STK32B: variants seen among roughly 807,000 people sequenced by gnomAD.
STK32B encodes the protein serine/threonine-protein kinase 32B.
In STK32B, 43 loss-of-function variants were observed where a neutral mutation model predicts 52.6. The observed-to-expected ratio is 0.82, with a 90% CI of 0.64 to 1.05. The LOEUF (loss-of-function observed/expected upper bound fraction) is 1.05. Among genes scored for constraint, STK32B ranks in the 50% least tolerant of loss-of-function variants. The pLI is 0.00. For missense variants in STK32B, 621 were observed against 534.6 expected, an observed-to-expected ratio of 1.16 and a Z score of -1.59; for synonymous variants, 238 against 204.3, an observed-to-expected ratio of 1.17 and a Z score of -1.41.
chr4:5,265,490 G>A (rs1054135182), intron 3 of STK32B, among the ~76,000 whole-genome samples: 11 of 152,170 alleles, frequency 7.2e-5, no homozygotes, highest in African/African-American at 2.7e-4. Flanking sequence ...CCAGTTGGAA[G>A]CACCTCAGAG....
intron 11 of STK32B, among the ~76,000 whole-genome samples, chr4:5,492,276 C>T (rs1011230357): frequency 5.3e-5 from 8 of 152,084 alleles, no homozygotes; most frequent in African/African-American, 1.9e-4. Context: ...TTGTAGTTCT[C>T]CTTGAAGAGG....
At chr4:5,084,255 T>C (rs539123973) in intron 1 of STK32B, among the ~76,000 whole-genome samples, 2 of 152,254 alleles carry the variant, frequency 1.3e-5, no homozygotes, top group Non-Finnish European at 2.9e-5. Flanking sequence ...CTTCTTTGTA[T>C]TGGAGAACTG....
intron 3 of STK32B, among the ~76,000 whole-genome samples, chr4:5,245,542 T>G (rs1305578576): frequency 2.0e-5 from 3 of 152,220 alleles, no homozygotes; most frequent in African/African-American, 7.2e-5. Flanking sequence ...CCAGTCTGTG[T>G]CTTTTAATTG....
chr4:5,151,480 G>A (rs1171837164), intron 2 of STK32B, among the ~76,000 whole-genome samples: 1 of 152,150 alleles, frequency 6.6e-6, no homozygotes, highest in Non-Finnish European at 1.5e-5. Flanking sequence ...TAATAGCCTT[G>A]GTTATCAGGA....
intron 2 of STK32B, among the ~76,000 whole-genome samples, chr4:5,154,211 C>CTTTTT (rs3072774): frequency 9.0e-5 from 11 of 122,594 alleles, no homozygotes; most frequent in Non-Finnish European, 1.2e-4. Flanking sequence ...CCTTCCATGT[C>CTTTTT]TTTTTTTTTT....
chr4:5,257,058 T>TGA (rs1726360199), intron 3 of STK32B, among the ~76,000 whole-genome samples: 1 of 150,058 alleles, frequency 6.7e-6, no homozygotes. Context: ...TGAATGAATA[T>TGA]GTGAGTAAAT....
chr4:5,140,005 A>G (rs781517513), intron 2 of STK32B, 45 bp downstream of exon 2: 3 of 1,609,208 alleles, frequency 1.9e-6, no homozygotes, highest in Non-Finnish European at 1.7e-6. Context: ...GTATGTGTGT[A>G]TATTTGTGTG....
intron 3 of STK32B, among the ~76,000 whole-genome samples, chr4:5,225,941 C>G (rs932208675): frequency 6.6e-6 from 1 of 152,252 alleles, no homozygotes; most frequent in South Asian, 2.1e-4. Flanking sequence ...CTGTTTTTCC[C>G]TCTCAAATAT....
rs115643312 is a variant in STK32B at position 5,087,207 on chromosome 4, A to C, written c.52+35292A>C. ...ATATGACAGCATAGATTTTGTATAT[A>C]TTTGAAATTAAGTAGTATTAATAGA... On this transcript the variant is annotated intron_variant, in intron 1 of 11. Transcript: ENST00000282908. Among the ~76,000 whole-genome samples, 1,088 of 152,200 alleles carry C rather than the reference A, an allele frequency of 7.1e-3. 17 individuals are homozygous for C. The highest frequency in any genetic ancestry group is 0.025 in the African/African-American group (1,028 of 41,568).
In STK32B at chr4:5,453,227, GA is replaced by G. The variant is rs1716167753; in HGVS notation, c.667-3579del. Among the ~76,000 whole-genome samples the G allele has an allele frequency of 3.0e-5, 2 of 66,638 alleles. No homozygotes were observed. The highest frequency in any genetic ancestry group is 9.1e-5 in the Non-Finnish European group (2 of 21,908). The allele number at this position is 66,638 out of a possible 152,430, so 43.7% of individuals were successfully genotyped here. Reference sequence around the variant, plus strand: ...GAGAGAGAATTACAGAGATTAGGGAGAGAGAGAGAGAGAGAGAGTAGCTCAT... The same window carrying G: ...GAGAGAGAATTACAGAGATTAGGGAGGAGAGAGAGAGAGAGAGTAGCTCAT... On this transcript the variant is annotated intron_variant, in intron 7 of 11. Transcript: ENST00000282908. This position sits in a 1 kb window ranked among gnomAD's most constrained non-coding sequence, Gnocchi z 4.0.
chr4:5,120,520 G>A (rs1367697298), intron 1 of STK32B, among the ~76,000 whole-genome samples: 2 of 152,100 alleles, frequency 1.3e-5, no homozygotes, highest in African/African-American at 4.8e-5. Context: ...TTTTCATAGG[G>A]AGGTATGTTA....
intron 6 of STK32B, among the ~76,000 whole-genome samples, chr4:5,442,931 C>T (rs1323924880): frequency 6.6e-6 from 1 of 151,890 alleles, no homozygotes; most frequent in Non-Finnish European, 1.5e-5. Context: ...TGAATATTGG[C>T]CCCCACTCTC....
chr4:5,479,657 A>G (rs542873871), intron 11 of STK32B, among the ~76,000 whole-genome samples: 2 of 152,248 alleles, frequency 1.3e-5, no homozygotes, highest in African/African-American at 4.8e-5. Flanking sequence ...CTTGGGTAAC[A>G]CTGGCTGGGT....
upstream of STK32B, among the ~76,000 whole-genome samples, chr4:5,046,642 G>C (rs577565615): frequency 4.7e-4 from 72 of 152,032 alleles, no homozygotes; most frequent in Admixed American, 1.2e-3. Context: ...AAATTTACAA[G>C]AATAAAACAA....
chr4:5,238,338 T>A (rs896342774), intron 3 of STK32B, among the ~76,000 whole-genome samples: 1 of 152,166 alleles, frequency 6.6e-6, no homozygotes, highest in Non-Finnish European at 1.5e-5. Context: ...CCTTGCCTCC[T>A]TCTTCATAAG....
intron 2 of STK32B, among the ~76,000 whole-genome samples, chr4:5,150,655 G>C (rs115061794): frequency 6.6e-6 from 1 of 151,892 alleles, no homozygotes; most frequent in East Asian, 1.9e-4. Flanking sequence ...TTGGTCAGAG[G>C]TTATTTACCA....
At chr4:5,444,701 G>A (rs1312569220) in intron 6 of STK32B, among the ~76,000 whole-genome samples, 2 of 152,172 alleles carry the variant, frequency 1.3e-5, no homozygotes, top group Non-Finnish European at 2.9e-5. Flanking sequence ...CTCACTACGG[G>A]CCAGGCATCC....
intron 3 of STK32B, among the ~76,000 whole-genome samples, chr4:5,173,362 A>G (rs200295809): frequency 6.6e-6 from 1 of 151,354 alleles, no homozygotes; most frequent in South Asian, 2.1e-4. Flanking sequence ...AATGTGTTTG[A>G]TCTTGCTTCT....
intron 1 of STK32B, among the ~76,000 whole-genome samples, chr4:5,052,423 C>G (rs1489343040): frequency 1.3e-5 from 2 of 152,112 alleles, no homozygotes; most frequent in African/African-American, 4.8e-5. Flanking sequence ...GGAAACTTTT[C>G]TTTGCTAAAC....
Sources: allele counts gnomAD v4.1 joint callset (sites outside exome capture counted in the v4.1 genomes callset), GRCh38; gene constraint gnomAD v4.1.1; non-coding constraint Gnocchi (gnomAD v3.1); transcripts MANE v1.5; gene names NCBI Gene and HGNC (gene_info 2026-07-23, HGNC 2026-07-21).